Variants in ADAM12 observed in about 807,000 individuals in gnomAD.
ADAM12 encodes disintegrin and metalloproteinase domain-containing protein 12.
A neutral mutation model predicts 106.4 loss-of-function variants in ADAM12; 70 were observed. The ratio of observed to expected loss-of-function variants is 0.66; its 90% confidence interval spans 0.54 to 0.80. The LOEUF (loss-of-function observed/expected upper bound fraction) is 0.80. Among genes scored for constraint, ADAM12 ranks in the 30% least tolerant of loss-of-function variants. ADAM12 has a pLI of 0.00. For missense variants in ADAM12, 1,010 were observed against 1,171.9 expected, an observed-to-expected ratio of 0.86 and a Z score of 2.02; for synonymous variants, 420 against 433.5, an observed-to-expected ratio of 0.97 and a Z score of 0.39.
At chr10:126,194,689 T>C (rs911568440) in intron 3 of ADAM12, among the ~76,000 whole-genome samples, 2 of 152,254 alleles carry the variant, frequency 1.3e-5, no homozygotes, top group African/African-American at 4.8e-5. Context: ...TTCAGCCTAA[T>C]GGGTAATGTG....
chr10:126,087,067 G>T (rs550354725), intron 11 of ADAM12, among the ~76,000 whole-genome samples: 1 of 152,022 alleles, frequency 6.6e-6, no homozygotes, highest in South Asian at 2.1e-4. Context: ...GTTCATCGAT[G>T]AAACAGGACA....
chr10:126,240,448 C>T (rs1167370917), intron 3 of ADAM12, among the ~76,000 whole-genome samples: 2 of 152,200 alleles, frequency 1.3e-5, no homozygotes, highest in Non-Finnish European at 2.9e-5. Context: ...TGGAGGAGAC[C>T]TACATAAAAC....
At chr10:126,154,625 C>A (rs757875554) in intron 4 of ADAM12, among the ~76,000 whole-genome samples, 10 of 152,190 alleles carry the variant, frequency 6.6e-5, no homozygotes, top group Non-Finnish European at 1.5e-4. Flanking sequence ...CTCTCTGAAT[C>A]CCCATATTCA....
intron 2 of ADAM12, 34 bp downstream of exon 2, chr10:126,330,378 C>T: frequency 1.3e-6 from 2 of 1,546,542 alleles, no homozygotes; most frequent in Non-Finnish European, 1.8e-6. Context: ...AAAGCTTCGG[C>T]AGTCTCAAAG....
chr10:126,348,775 T>G (rs181942982), intron 1 of ADAM12, among the ~76,000 whole-genome samples: 1 of 152,196 alleles, frequency 6.6e-6, no homozygotes, highest in Non-Finnish European at 1.5e-5. Context: ...AGTAGAATGA[T>G]CAAATTTAGC....
At chr10:126,381,852 G>C (rs975448983) in intron 1 of ADAM12, among the ~76,000 whole-genome samples, 2 of 151,926 alleles carry the variant, frequency 1.3e-5, no homozygotes, top group African/African-American at 4.8e-5. Flanking sequence ...GTGTGTGCCT[G>C]GAGTCCCAGC....
intron 9 of ADAM12, among the ~76,000 whole-genome samples, chr10:126,100,817 G>T: frequency 6.6e-6 from 1 of 152,120 alleles, no homozygotes; most frequent in Non-Finnish European, 1.5e-5. Context: ...GAAAATGTCC[G>T]GGTTCTAGAA....
chr10:126,202,242 G>C (rs1200238234), intron 3 of ADAM12, among the ~76,000 whole-genome samples: 1 of 152,196 alleles, frequency 6.6e-6, no homozygotes, highest in Non-Finnish European at 1.5e-5. Flanking sequence ...TTTATTTCAA[G>C]ATCTTTAGAA....
intron 8 of ADAM12, among the ~76,000 whole-genome samples, chr10:126,103,924 A>C (rs1381016066): frequency 2.0e-5 from 3 of 152,212 alleles, no homozygotes; most frequent in Non-Finnish European, 4.4e-5. Flanking sequence ...AGAGGTCACC[A>C]GGGGCTTAAG....
At chr10:126,054,345 T>G (rs11815771) in intron 14 of ADAM12, among the ~76,000 whole-genome samples, 32,164 of 152,212 alleles carry the variant, frequency 0.21, 3,637 homozygotes, top group Admixed American at 0.31. Context: ...TAAACCTGAT[T>G]TTGTCAGGCA....
chr10:126,166,067 C>T (rs2133752254), intron 3 of ADAM12, among the ~76,000 whole-genome samples: 1 of 152,320 alleles, frequency 6.6e-6, no homozygotes, highest in African/African-American at 2.4e-5. Flanking sequence ...ACTGCTGATA[C>T]AGCATTTTGG....
intron 10 of ADAM12, 37 bp from the exon 11 acceptor site, chr10:126,094,170 T>C: frequency 5.0e-6 from 8 of 1,599,388 alleles, no homozygotes; most frequent in Non-Finnish European, 6.0e-6. Flanking sequence ...GTATAATTCA[T>C]ATCTCCTTGG....
At position 126,278,903 on chromosome 10, in the gene ADAM12, G is replaced by A; in HGVS notation, c.260+12C>T. The A allele has an allele frequency of 6.3e-7, 1 of 1,592,978 alleles. No homozygotes were observed. Among genetic ancestry groups the A allele is most frequent in the Non-Finnish European group, 8.6e-7 (1 of 1,163,284 alleles). ...CTTTCTCCTATCATGCAATAAACAAGAATTAACTTACTCATTTCTTTCCAG... is the reference window on the plus strand; with the variant it reads ...CTTTCTCCTATCATGCAATAAACAAAAATTAACTTACTCATTTCTTTCCAG... On this transcript the variant is annotated intron_variant, in intron 3 of 22. Transcript: ENST00000448723.
At chr10:126,100,922 C>T in intron 9 of ADAM12, 150 bp downstream of exon 9, 1 of 733,092 alleles carries the variant, frequency 1.4e-6, no homozygotes. Context: ...AGGGTGGCAT[C>T]TGCCCCCCTG....
rs1415359538 is a variant in ADAM12, at chr10:126,158,866, GCAGAGCATGGGGAGAGGATGCA to G, written c.261-3583_261-3562del. Among the ~76,000 whole-genome samples the G allele has an allele frequency of 5.7e-3, 692 of 121,342 alleles. 5 individuals carry two copies. The highest frequency in any genetic ancestry group is 0.021 in the African/African-American group (662 of 31,810). 79.6% of individuals were successfully genotyped at this position (121,342 alleles called of 152,430 possible). A position where few individuals can be genotyped will look rare whatever the true frequency, so the allele number is the denominator to read the frequency against. On this transcript the variant is annotated intron_variant, in intron 3 of 22. Coordinates refer to ENST00000448723, the MANE Select transcript of ADAM12 (RefSeq NM_001288973.2). ...GCACAGAGCACGGTGGGGAGGGTGC[GCAGAGCATGGGGAGAGGATGCA>G]CAGAGCATGGTGGGGAGGATGCACA...
chr10:126,051,536 C>CCAT (rs1954490578), intron 14 of ADAM12, among the ~76,000 whole-genome samples: 3 of 118,994 alleles, frequency 2.5e-5, no homozygotes, highest in Non-Finnish European at 5.3e-5. Flanking sequence ...CAGCCAGCCA[C>CCAT]CCATCCATCC....
intron 1 of ADAM12, among the ~76,000 whole-genome samples, chr10:126,363,180 T>C (rs1376517764): frequency 6.6e-6 from 1 of 152,108 alleles, no homozygotes; most frequent in Admixed American, 6.6e-5. Context: ...ATGGGGACAA[T>C]AAATGATTTT....
At position 126,337,730 on chromosome 10, in the gene ADAM12, C is replaced by T. The variant is rs571741590; in HGVS notation, c.89-7221G>A. Among the ~76,000 whole-genome samples the T allele has an allele frequency of 2.2e-4, 33 of 152,332 alleles. No homozygotes were observed. In the South Asian group the frequency reaches 5.0e-3, roughly 23 times the overall value. ...AGCTGACACCTAATATTAACCATCA[C>T]ACATGGATCTCATTTGGTTTAGGTT... is the stretch of plus-strand genomic sequence containing the variant. On this transcript the variant is annotated intron_variant, in intron 1 of 22. Coordinates refer to ENST00000448723, the MANE Select transcript of ADAM12 (RefSeq NM_001288973.2).
At chr10:126,263,177 T>C (rs1959034264) in intron 3 of ADAM12, among the ~76,000 whole-genome samples, 1 of 152,236 alleles carries the variant, frequency 6.6e-6, no homozygotes, top group Non-Finnish European at 1.5e-5. Flanking sequence ...GTTGTAAGCA[T>C]GATTTCTGCC....
Sources: gnomAD v4.1 joint callset for allele counts (sites outside exome capture counted in the v4.1 genomes callset) on GRCh38, gnomAD v4.1.1 for gene constraint, MANE v1.5 for transcripts, NCBI Gene and HGNC (gene_info 2026-07-23, HGNC 2026-07-21) for gene names.